CRY2: variants seen among roughly 807,000 people sequenced by gnomAD.
CRY2 encodes cryptochrome circadian regulator 2, also known as cryptochrome-2.
Under a neutral mutation model 69.5 loss-of-function variants are expected in CRY2, and 31 were observed. The ratio of observed to expected loss-of-function variants is 0.45; its 90% CI spans 0.34 to 0.60. The LOEUF (loss-of-function observed/expected upper bound fraction) is 0.60. Ranked by LOEUF, CRY2 falls within the 20% of genes least tolerant of loss-of-function variation. CRY2 has a pLI of 0.02. For missense variants in CRY2, 606 were observed against 797.8 expected (o/e 0.76, Z 2.90); for synonymous variants, 303 against 312.2 (o/e 0.97, Z 0.31).
Position 45,860,853 on chromosome 11 carries a change from T to C in CRY2, c.473T>C (p.Ile158Thr). Reference sequence around the variant, plus strand: ...CTATGCTTTGGGCTCCCCAGGATCATTGAGCTGAATGGGCAGAAGCCACCC... The same window carrying C: ...CTATGCTTTGGGCTCCCCAGGATCACTGAGCTGAATGGGCAGAAGCCACCC... Reference protein sequence around the residue: ...SHTLYDLDRIIELNGQKPPLT... With the variant: ...SHTLYDLDRITELNGQKPPLT... Residue 158 changes from isoleucine (I) to threonine (T), a missense_variant, in exon 4 of 12, where the codon ATT becomes ACT. Physicochemically the swap from Ile to Thr is moderately conservative, Grantham distance 89. Around this residue, in one of 5 missense-constraint regions of CRY2, gnomAD observed 382 missense variants for 508.9 expected, o/e 0.75. Transcript: ENST00000616080. The C allele has an allele frequency of 6.2e-7, 1 of 1,614,060 alleles. No individual in the cohort carries two copies. The highest frequency in any genetic ancestry group is 8.5e-7 in the Non-Finnish European group (1 of 1,179,962).
chr11:45,854,195 A>G (rs145083984), intron 1 of CRY2, among the ~76,000 whole-genome samples: 7 of 152,338 alleles, frequency 4.6e-5, no homozygotes, highest in East Asian at 3.9e-4. Flanking sequence ...TGGAGACCCA[A>G]GGGGTAGATA....
chr11:45,854,049 G>A (rs976530332), intron 1 of CRY2, among the ~76,000 whole-genome samples: 2 of 152,256 alleles, frequency 1.3e-5, no homozygotes, highest in Non-Finnish European at 2.9e-5. Context: ...AGTTGTGTAC[G>A]TCAGAGGCAG....
chr11:45,855,982 G>T lies in CRY2; in HGVS notation c.216G>T (p.Arg72Ser). 1 of 1,613,556 alleles carries T rather than the reference G, an allele frequency of 6.2e-7. No homozygotes were observed. The highest frequency in any genetic ancestry group is 1.1e-5 in the South Asian group (1 of 91,074). ...ASSSVGINRW[R>S]FLLQSLEDLD... The stretch of plus-strand genomic sequence containing the variant: ...AACAAGGCCTGTGTGGACTCCACAG[G>T]TTCCTACTTCAGTCTCTGGAAGATT... Residue 72 changes from arginine (R) to serine (S), a missense_variant and splice_region_variant, in exon 2 of 12, where the codon AGG becomes AGT. Around this residue, in one of 5 missense-constraint regions of CRY2, gnomAD observed 382 missense variants for 508.9 expected, o/e 0.75. Transcript: ENST00000616080.
At chr11:45,847,390 A>G (rs753656899), upstream of CRY2, 10 of 1,593,398 alleles carry the variant, frequency 6.3e-6, no homozygotes, top group Middle Eastern at 1.9e-4. Context: ...GCGGGGACTA[A>G]GGGTGGAGTT....
chr11:45,849,560 G>A (rs140189670), intron 1 of CRY2, among the ~76,000 whole-genome samples: 2 of 152,048 alleles, frequency 1.3e-5, no homozygotes, highest in Admixed American at 6.5e-5. Context: ...AATCTTGGCT[G>A]CTGTGCATTG....
upstream of CRY2, chr11:45,847,448 C>G: frequency 1.9e-6 from 3 of 1,594,614 alleles, no homozygotes; most frequent in Non-Finnish European, 2.6e-6. Flanking sequence ...TCCACGTCGC[C>G]TACCGGGGCG....
chr11:45,870,809 C>T (rs767664854), intron 9 of CRY2, 33 bp from the exon 10 acceptor site: 57 of 1,561,278 alleles, frequency 3.7e-5, no homozygotes, highest in Middle Eastern at 3.3e-4. Flanking sequence ...TCCTGCGAGA[C>T]GGCACTCTGA....
rs760481866 is a variant in CRY2 at position 45,870,445 on chromosome 11, C to T, written c.1462C>T (p.Pro488Ser). The T allele has an allele frequency of 2.5e-6, 4 of 1,614,220 alleles. No individual in the cohort carries two copies. Among genetic ancestry groups the T allele is most frequent in the Non-Finnish European group, 3.4e-6 (4 of 1,180,040 alleles). The change falls in exon 9 of 12, where the codon CCC becomes TCC. Residue 488 changes from proline to serine, a missense_variant. Around this residue, in one of 5 missense-constraint regions of CRY2, gnomAD observed 173 missense variants for 213.7 expected, o/e 0.81. Coordinates refer to ENST00000616080, the MANE Select transcript of CRY2 (RefSeq NM_021117.5). ...CATCATTGGTGTGGACTACCCACGG[C>T]CCATCGTCAACCATGCCGAGACCAG... is the stretch of plus-strand genomic sequence containing the variant. ...KCIIGVDYPR[P>S]IVNHAETSRL...
Position 45,847,595 on chromosome 11 carries a change from C to G in CRY2, c.105C>G (p.His35Gln), listed in dbSNP as rs1458531997. ...GGTTCCGCAAAGGGCTGCGACTCCACGACAACCCGGCGTTGCTGGCGGCCG... is the reference window on the plus strand; with the variant it reads ...GGTTCCGCAAAGGGCTGCGACTCCAGGACAACCCGGCGTTGCTGGCGGCCG... ...VHWFRKGLRL[H>Q]DNPALLAAVR... Residue 35 changes from histidine to glutamine, a missense_variant, in exon 1 of 12, where the codon CAC becomes CAG. By Grantham distance (24) the His-to-Gln change is conservative (BLOSUM62 0). Coordinates refer to ENST00000616080, the MANE Select transcript of CRY2 (RefSeq NM_021117.5). 6.2e-7 allele frequency: 1 copy of G among 1,605,344 alleles called. No homozygotes were observed. The highest frequency in any genetic ancestry group is 1.3e-5 in the African/African-American group (1 of 74,868).
Position 45,862,273 on chromosome 11 carries a change from A to G in CRY2, c.741+125A>G, listed in dbSNP as rs79568579. On this transcript the variant is annotated intron_variant, in intron 5 of 11. Coordinates refer to ENST00000616080, the MANE Select transcript of CRY2 (RefSeq NM_021117.5). ...TGTTTGGAAAATGAAAAATCCTCCTATCCTCCTGATGGCCATAACAACAGC... is the reference window on the plus strand; with the variant it reads ...TGTTTGGAAAATGAAAAATCCTCCTGTCCTCCTGATGGCCATAACAACAGC... 3.8e-4 allele frequency: 304 copies of G among 793,018 alleles called. No homozygotes were observed. The African/African-American group carries it at 4.6e-3, about 12-fold the overall frequency. 49.1% of individuals were successfully genotyped at this position (793,018 alleles called of 1,614,324 possible). A position where few individuals can be genotyped will look rare whatever the true frequency, so the allele number is the denominator to read the frequency against.
At chr11:45,862,318 A>C (rs2134637617) in intron 5 of CRY2, among the ~76,000 whole-genome samples, 170 bp downstream of exon 5, 1 of 152,336 alleles carries the variant, frequency 6.6e-6, no homozygotes, top group African/African-American at 2.4e-5. Context: ...AGCAACTACC[A>C]TTTAGAGAGT....
intron 3 of CRY2, among the ~76,000 whole-genome samples, chr11:45,860,386 T>TAAAAAAA (rs34068985): frequency 7.7e-6 from 1 of 130,468 alleles, no homozygotes; most frequent in Non-Finnish European, 1.6e-5. Context: ...ATGTTAGAGT[T>TAAAAAAA]AAAAAAAAAA....
chr11:45,882,318 T>C lies in CRY2; in HGVS notation c.*1407T>C. 3.6e-6 allele frequency: 1 copy of C among 275,644 alleles called. No homozygotes were observed. The allele number at this position is 275,644 out of a possible 1,614,324, so 17.1% of individuals were successfully genotyped here. Reference sequence around the variant, plus strand: ...GTGTGTGTGTGTGTGGCTATGAGGCTGATTCCTGTTTGGATTTTTGTCCTC... The same window carrying C: ...GTGTGTGTGTGTGTGGCTATGAGGCCGATTCCTGTTTGGATTTTTGTCCTC... On this transcript the variant is annotated 3_prime_UTR_variant, in exon 12 of 12. Transcript: ENST00000616080.
chr11:45,869,618 C>T lies in CRY2; in HGVS notation c.995C>T (p.Pro332Leu), dbSNP rs1218286651. ...AGGTTTGACCGCATGGAGGGGAACC[C>T]CATCTGCATCCAGATCCCCTGGGAC... ...NPRFDRMEGN[P>L]ICIQIPWDRN... Residue 332 changes from proline to leucine, a missense_variant, in exon 7 of 12, where the codon CCC (proline) becomes CTC (leucine). Transcript: ENST00000616080. The T allele has an allele frequency of 7.4e-6, 12 of 1,614,146 alleles. No homozygotes were observed. Among genetic ancestry groups the T allele is most frequent in the Non-Finnish European group, 1.0e-5 (12 of 1,180,056 alleles).
intron 1 of CRY2, among the ~76,000 whole-genome samples, chr11:45,850,248 A>G (rs560603012): frequency 7.8e-4 from 119 of 151,792 alleles, no homozygotes; most frequent in Non-Finnish European, 1.5e-3. Flanking sequence ...GGCTTAAGCA[A>G]TCACCTGCGT....
chr11:45,862,263 A>G, intron 5 of CRY2, 115 bp downstream of exon 5: 1 of 925,962 alleles, frequency 1.1e-6, no homozygotes, highest in African/African-American at 1.7e-5. Flanking sequence ...GGAAAATGAA[A>G]AATCCTCCTA....
intron 5 of CRY2, among the ~76,000 whole-genome samples, chr11:45,862,932 C>T (rs1249825569): frequency 1.3e-5 from 2 of 152,174 alleles, no homozygotes; most frequent in Non-Finnish European, 2.9e-5. Flanking sequence ...GTTTCCTGCC[C>T]CCTGCAGCTG....
chr11:45,877,596 GTTTC>G (rs1385768584), intron 11 of CRY2, among the ~76,000 whole-genome samples: 1 of 152,212 alleles, frequency 6.6e-6, no homozygotes, highest in African/African-American at 2.4e-5. Flanking sequence ...CCGCCACTGT[GTTTC>G]TTGTATCAAT....
rs563394259 is a variant in CRY2 at position 45,870,929 on chromosome 11, G to A, written c.1637G>A (p.Ser546Asn). 1.2e-5 allele frequency: 19 copies of A among 1,610,016 alleles called. No homozygotes were observed. The African/African-American group carries it at 2.1e-4, about 18-fold the overall frequency. The change falls in exon 10 of 12, where the codon AGT (serine) becomes AAT (asparagine). Residue 546 changes from serine to asparagine, a missense_variant. Physicochemically the swap from Ser to Asn is conservative, Grantham distance 46. Around this residue, in one of 5 missense-constraint regions of CRY2, gnomAD observed 173 missense variants for 213.7 expected, o/e 0.81. Transcript: ENST00000616080. The stretch of plus-strand genomic sequence containing the variant: ...TCGAGCCAGGCTGGCAGCATGAGCA[G>A]TGCAGGTGAGCAGCAGCAACCAACC... ...PSSSQAGSMSSAGPRPLPSGP... is the reference protein window; with the variant it reads ...PSSSQAGSMSNAGPRPLPSGP...
Sources: gnomAD v4.1 joint callset for allele counts (sites outside exome capture counted in the v4.1 genomes callset) on GRCh38, gnomAD v4.1.1 for gene constraint, gnomAD v4.1.1 regional missense constraint, MANE v1.5 for transcripts, NCBI Gene and HGNC (gene_info 2026-07-23, HGNC 2026-07-21) for gene names.